The following EFCAB12 variants were observed in gnomAD, a reference collection of about 807,000 sequenced individuals.
The protein encoded by EFCAB12 is EF-hand calcium binding domain 12.
EFCAB12 carries 43 observed loss-of-function variants against 53.6 expected under a neutral mutation model. The observed-to-expected ratio is 0.80, with a 90% CI of 0.63 to 1.03. The LOEUF (loss-of-function observed/expected upper bound fraction) is 1.03, where lower values mean the gene tolerates loss of function less well. Ranked by LOEUF, EFCAB12 falls within the 50% of genes least tolerant of loss-of-function variation. EFCAB12 has a pLI of 0.00. For synonymous variants in EFCAB12, 269 were observed against 289.2 expected, an observed-to-expected ratio of 0.93 and a Z score of 0.71; for missense variants, 646 against 730.6, an observed-to-expected ratio of 0.88 and a Z score of 1.34.
In EFCAB12 at chr3:129,428,559, G is replaced by T; in HGVS notation, c.-71C>A. 3 of 1,544,084 alleles carry T rather than the reference G, an allele frequency of 1.9e-6. No homozygotes were observed. Among genetic ancestry groups the T allele is most frequent in the Non-Finnish European group, 2.6e-6 (3 of 1,136,336 alleles). The stretch of plus-strand genomic sequence containing the variant: ...TGTCGATGTGGGCTTGCTTGCGTAG[G>T]GGTACCGGGGTATCAGATAAACCGT... On this transcript the variant is annotated 5_prime_UTR_variant, in exon 1 of 9. Coordinates refer to ENST00000505956, the MANE Select transcript of EFCAB12 (RefSeq NM_207307.3).
intron 1 of EFCAB12, among the ~76,000 whole-genome samples, chr3:129,424,694 A>C (rs1230598377): frequency 6.6e-6 from 1 of 152,236 alleles, no homozygotes; most frequent in African/African-American, 2.4e-5. Flanking sequence ...CTTTGACCAC[A>C]AGAAAGTTCA....
At chr3:129,421,901 C>T in intron 1 of EFCAB12, 98 bp from the exon 2 acceptor site, 1 of 1,185,554 alleles carries the variant, frequency 8.4e-7, no homozygotes, top group Non-Finnish European at 1.2e-6. Context: ...GGCAACAGGG[C>T]CCTGGATCCC....
intron 5 of EFCAB12, among the ~76,000 whole-genome samples, chr3:129,409,587 G>A (rs756540574): frequency 2.0e-5 from 3 of 152,058 alleles, no homozygotes; most frequent in Non-Finnish European, 4.4e-5. Context: ...CCACCACCTT[G>A]TTTTTTAACA....
intron 4 of EFCAB12, chr3:129,414,836 A>T (rs144806324): frequency 3.8e-3 from 597 of 155,360 alleles, no homozygotes; most frequent in Middle Eastern, 9.4e-3. Context: ...TAAACTGTAA[A>T]CATGTGCTAA....
At chr3:129,410,930 G>A (rs925265455) in intron 5 of EFCAB12, among the ~76,000 whole-genome samples, 2 of 152,182 alleles carry the variant, frequency 1.3e-5, no homozygotes, top group East Asian at 1.9e-4. Context: ...AATAGGGAGA[G>A]GGGGACGTGA....
chr3:129,408,564 G>A, intron 6 of EFCAB12, 81 bp downstream of exon 6: 1 of 1,429,626 alleles, frequency 7.0e-7, no homozygotes, highest in Non-Finnish European at 9.6e-7. Context: ...TGGCTGCATG[G>A]GTGCCCTGGG....
chr3:129,416,554 CAT>C (rs1443933383), intron 3 of EFCAB12, among the ~76,000 whole-genome samples: 1 of 152,222 alleles, frequency 6.6e-6, no homozygotes, highest in Non-Finnish European at 1.5e-5. Context: ...GAGATAATTA[CAT>C]GTCATAAAAC....
chr3:129,402,605 G>T, intron 7 of EFCAB12, 26 bp from the exon 8 acceptor site: 1 of 1,606,530 alleles, frequency 6.2e-7, no homozygotes, highest in Admixed American at 1.7e-5. Flanking sequence ...GAGGCATTTT[G>T]TGAGGAGAGT....
chr3:129,420,959 C>A (rs538272866), intron 2 of EFCAB12, among the ~76,000 whole-genome samples: 1 of 152,356 alleles, frequency 6.6e-6, no homozygotes, highest in African/African-American at 2.4e-5. Context: ...ATGGAGAGGT[C>A]CATGTGGGGA....
Position 129,411,198 on chromosome 3 carries a change from T to C in EFCAB12, c.995A>G (p.Glu332Gly). The C allele has an allele frequency of 6.2e-7, 1 of 1,612,302 alleles. No homozygotes were observed. Among genetic ancestry groups the C allele is most frequent in the South Asian group, 1.1e-5 (1 of 90,856 alleles). ...TRPMTLEEMEEVGKRYRERQR... is the reference protein window; with the variant it reads ...TRPMTLEEMEGVGKRYRERQR... ...CCGCTCGCGGTACCGCTTGCCCACTTCCTCCATCTCCTCCAGGGTCATGGG... is the reference window on the plus strand; with the variant it reads ...CCGCTCGCGGTACCGCTTGCCCACTCCCTCCATCTCCTCCAGGGTCATGGG... The change falls in exon 5 of 9, where the codon GAA (glutamate) becomes GGA (glycine). Residue 332 changes from glutamate to glycine, a missense_variant. By Grantham distance (98) the Glu-to-Gly change is moderately conservative (BLOSUM62 -2). Coordinates refer to ENST00000505956, the MANE Select transcript of EFCAB12 (RefSeq NM_207307.3).
At chr3:129,428,342 C>G (rs1455580104) in intron 1 of EFCAB12, 98 bp downstream of exon 1, 2 of 1,493,856 alleles carry the variant, frequency 1.3e-6, no homozygotes, top group Non-Finnish European at 1.8e-6. Flanking sequence ...CAGAGGGGGT[C>G]GGCACAATAT....
At chr3:129,409,314 G>A (rs554223684) in intron 5 of EFCAB12, among the ~76,000 whole-genome samples, 16 of 152,298 alleles carry the variant, frequency 1.1e-4, no homozygotes, top group South Asian at 6.2e-4. Flanking sequence ...ATGGTGGCGC[G>A]CGCCTGTAGT....
intron 1 of EFCAB12, among the ~76,000 whole-genome samples, chr3:129,426,365 T>TG (rs1159881214): frequency 5.6e-5 from 7 of 124,340 alleles, no homozygotes; most frequent in Admixed American, 1.6e-4. Context: ...TTTTGTTTTT[T>TG]TTTTTTTTTT....
intron 1 of EFCAB12, among the ~76,000 whole-genome samples, chr3:129,423,948 C>G (rs2072219562): frequency 6.6e-6 from 1 of 152,180 alleles, no homozygotes; most frequent in Admixed American, 6.5e-5. Flanking sequence ...CCTGACTCAC[C>G]CTTTGAGACT....
At chr3:129,425,460 CCTTGT>C (rs1268631506) in intron 1 of EFCAB12, among the ~76,000 whole-genome samples, 1 of 152,018 alleles carries the variant, frequency 6.6e-6, no homozygotes, top group Non-Finnish European at 1.5e-5. Flanking sequence ...GTCTGAGGTG[CCTTGT>C]TCCTTCCTGG....
At chr3:129,418,170 G>A (rs13316931) in intron 3 of EFCAB12, 84 bp downstream of exon 3, 22 of 1,307,806 alleles carry the variant, frequency 1.7e-5, no homozygotes, top group South Asian at 4.7e-5. Context: ...CCAGCATGGC[G>A]GGGGAGGGGC....
chr3:129,426,280 A>C (rs1359513874), intron 1 of EFCAB12, among the ~76,000 whole-genome samples: 1 of 150,476 alleles, frequency 6.6e-6, no homozygotes, highest in Non-Finnish European at 1.5e-5. Context: ...AATATTTTTG[A>C]CTTGGAATTA....
intron 1 of EFCAB12, among the ~76,000 whole-genome samples, chr3:129,426,123 C>T (rs1002206323): frequency 2.0e-5 from 3 of 152,142 alleles, no homozygotes; most frequent in African/African-American, 7.2e-5. Context: ...TCTACCTCTC[C>T]GGCTATTGTT....
rs376168623 is a variant in EFCAB12 at position 129,402,530 on chromosome 3, A to T, written c.1453T>A (p.Phe485Ile). The change falls in exon 8 of 9, where the codon TTT (phenylalanine) becomes ATT (isoleucine). Residue 485 changes from phenylalanine (F) to isoleucine (I), a missense_variant. Phe to Ile is a conservative substitution (Grantham distance 21, BLOSUM62 0). Coordinates refer to ENST00000505956, the MANE Select transcript of EFCAB12 (RefSeq NM_207307.3). ...KKMRFKEFEE[F>I]TRKLKVKRSS... ...TAGATGATTGCCACAGACCTGGTAA[A>T]TTCCTCAAACTCCTTAAAGCGCATT... 1.9e-5 allele frequency: 31 copies of T among 1,612,798 alleles called. No homozygotes were observed. The highest frequency in any genetic ancestry group is 2.6e-5 in the Non-Finnish European group (31 of 1,179,346).
Sources: allele counts gnomAD v4.1 joint callset (sites outside exome capture counted in the v4.1 genomes callset), GRCh38; gene constraint gnomAD v4.1.1; transcripts MANE v1.5; gene names NCBI Gene and HGNC (gene_info 2026-07-23, HGNC 2026-07-21).